The following DLG1 variants were observed in gnomAD, a reference collection of about 807,000 sequenced individuals.
DLG1 encodes disks large homolog 1.
DLG1 carries 42 observed loss-of-function variants against 123.4 expected under a neutral mutation model. The observed-to-expected ratio is 0.34, with a 90% CI of 0.27 to 0.44. The LOEUF is 0.44. DLG1 is among the 20% of genes least tolerant of loss of function. The pLI is 1.00. For synonymous variants in DLG1, 317 were observed against 356.2 expected (o/e 0.89, Z 1.24); for missense variants, 942 against 1,082.6 (o/e 0.87, Z 1.82).
At chr3:197,098,224 T>C (rs1560644533) in intron 14 of DLG1, among the ~76,000 whole-genome samples, 1 of 152,204 alleles carries the variant, frequency 6.6e-6, no homozygotes, top group Non-Finnish European at 1.5e-5. Context: ...TTAAATAAGA[T>C]GTGTATTACA....
At chr3:197,179,309 G>A (rs760150708) in intron 5 of DLG1, among the ~76,000 whole-genome samples, 2 of 152,122 alleles carry the variant, frequency 1.3e-5, no homozygotes, top group Admixed American at 6.6e-5. Flanking sequence ...TCATCTACAC[G>A]TGACTGGTTT....
intron 6 of DLG1, among the ~76,000 whole-genome samples, chr3:197,145,105 G>C (rs2149701030): frequency 6.6e-6 from 1 of 151,862 alleles, no homozygotes; most frequent in African/African-American, 2.4e-5. Context: ...TCTCAGTTTA[G>C]GAGGAGTAAC....
intron 5 of DLG1, among the ~76,000 whole-genome samples, chr3:197,176,198 A>G (rs1806966835): frequency 6.6e-6 from 1 of 152,134 alleles, no homozygotes; most frequent in Non-Finnish European, 1.5e-5. Context: ...TAGACTTTAT[A>G]TATTTTTTTA....
chr3:197,150,037 T>C (rs1793099584), intron 5 of DLG1, among the ~76,000 whole-genome samples: 1 of 152,182 alleles, frequency 6.6e-6, no homozygotes, highest in South Asian at 2.1e-4. Context: ...GCCATGATTT[T>C]CTTAAGTTTT....
intron 5 of DLG1, among the ~76,000 whole-genome samples, chr3:197,166,806 G>A (rs1200298136): frequency 6.6e-6 from 1 of 151,788 alleles, no homozygotes; most frequent in Admixed American, 6.6e-5. Flanking sequence ...CAAGAGAATC[G>A]CTTTGAACCC....
chr3:197,252,609 T>C (rs192877161), intron 4 of DLG1, among the ~76,000 whole-genome samples: 11 of 152,330 alleles, frequency 7.2e-5, no homozygotes, highest in African/African-American at 2.6e-4. Context: ...TGAGGAGTTA[T>C]GTCTGATGAC....
intron 4 of DLG1, among the ~76,000 whole-genome samples, chr3:197,212,513 G>T (rs1731800825): frequency 6.6e-6 from 1 of 152,226 alleles, no homozygotes; most frequent in African/African-American, 2.4e-5. Flanking sequence ...TCTGTTCCGT[G>T]CCTCTCTTCC....
chr3:197,091,081 G>C, intron 14 of DLG1, 55 bp from the exon 15 acceptor site: 1 of 1,202,130 alleles, frequency 8.3e-7, no homozygotes, highest in Non-Finnish European at 1.2e-6. Flanking sequence ...TAAGTTATTT[G>C]AAGATAACGT....
chr3:197,151,467 T>G (rs565005272), intron 5 of DLG1, among the ~76,000 whole-genome samples: 2 of 152,230 alleles, frequency 1.3e-5, no homozygotes, highest in Non-Finnish European at 1.5e-5. Flanking sequence ...GAAATATATA[T>G]AAACGAAATG....
chr3:197,127,660 A>T (rs1212800944), intron 11 of DLG1, among the ~76,000 whole-genome samples: 1 of 151,298 alleles, frequency 6.6e-6, no homozygotes, highest in African/African-American at 2.4e-5. Context: ...AATTTTAGAT[A>T]TATTGTAAAT....
intron 5 of DLG1, among the ~76,000 whole-genome samples, chr3:197,155,597 T>C (rs1020721623): frequency 1.3e-5 from 2 of 152,008 alleles, no homozygotes; most frequent in Admixed American, 6.6e-5. Context: ...TTCCACATGA[T>C]TGAAGAGACC....
At chr3:197,134,396 T>C (rs1784097546) in intron 10 of DLG1, among the ~76,000 whole-genome samples, 1 of 142,828 alleles carries the variant, frequency 7.0e-6, no homozygotes, top group Admixed American at 7.5e-5. Context: ...AATAATCCCA[T>C]GACAGTCAAG....
chr3:197,053,417 AT>A (rs996303024), intron 23 of DLG1, among the ~76,000 whole-genome samples: 91 of 147,350 alleles, frequency 6.2e-4, no homozygotes, highest in Non-Finnish European at 1.0e-3. Flanking sequence ...TGACAGTTAA[AT>A]TTTTTTTTTT....
intron 4 of DLG1, among the ~76,000 whole-genome samples, chr3:197,245,903 G>C (rs1044264374): frequency 1.1e-4 from 15 of 142,034 alleles, no homozygotes; most frequent in Admixed American, 4.2e-4. Flanking sequence ...TTTTTTTTGG[G>C]GGGGGGGGAG....
intron 4 of DLG1, among the ~76,000 whole-genome samples, chr3:197,263,553 A>G (rs1196050769): frequency 2.0e-5 from 3 of 152,124 alleles, no homozygotes; most frequent in African/African-American, 4.8e-5. Flanking sequence ...TTGGGAGGCC[A>G]AGGTGGGAGA....
intron 4 of DLG1, among the ~76,000 whole-genome samples, chr3:197,246,256 TG>T: frequency 6.6e-6 from 1 of 152,278 alleles, no homozygotes; most frequent in East Asian, 1.9e-4. Context: ...TGTCTTGTTT[TG>T]AAAGGGGTCC....
intron 4 of DLG1, among the ~76,000 whole-genome samples, chr3:197,246,752 G>T (rs547544992): frequency 1.3e-5 from 2 of 152,286 alleles, no homozygotes; most frequent in East Asian, 3.9e-4. Context: ...CGATGGGTAG[G>T]TGTTTTAGCT....
chr3:197,080,985 T>C, intron 17 of DLG1, 66 bp downstream of exon 17: 1 of 1,434,970 alleles, frequency 7.0e-7, no homozygotes, highest in Admixed American at 1.8e-5. Flanking sequence ...GATAGCAAAA[T>C]CCTTTTCATT....
At chr3:197,050,366 C>CA (rs71161992) in intron 24 of DLG1, among the ~76,000 whole-genome samples, 52,352 of 147,872 alleles carry the variant, frequency 0.35, 10,093 homozygotes, top group East Asian at 0.71. Context: ...GACTCCATTT[C>CA]AAAAAAAAAC....
Sources: allele counts gnomAD v4.1 joint callset (sites outside exome capture counted in the v4.1 genomes callset), GRCh38; gene constraint gnomAD v4.1.1; transcripts MANE v1.5; gene names NCBI Gene and HGNC (gene_info 2026-07-23, HGNC 2026-07-21).